BBS9: variants seen among roughly 807,000 people sequenced by gnomAD.
The protein encoded by BBS9 is Bardet-Biedl syndrome 9, also known as protein PTHB1.
Under a neutral mutation model 117.7 loss-of-function variants are expected in BBS9, and 89 were observed. The observed-to-expected ratio is 0.76, with a 90% CI of 0.64 to 0.90. BBS9 has a LOEUF of 0.90. Ranked by LOEUF, BBS9 falls within the 40% of genes least tolerant of loss-of-function variation. The pLI is 0.00. For missense variants in BBS9, 982 were observed against 1,042.2 expected, an observed-to-expected ratio of 0.94 and a Z score of 0.80; for synonymous variants, 379 against 370.9, an observed-to-expected ratio of 1.02 and a Z score of -0.25.
chr7:33,255,859 TA>T (rs1796958256), intron 5 of BBS9, among the ~76,000 whole-genome samples: 1 of 152,058 alleles, frequency 6.6e-6, no homozygotes, highest in Non-Finnish European at 1.5e-5. Flanking sequence ...AGGATAACAT[TA>T]AAAAAACAAA....
At chr7:33,362,136 A>G (rs1380579723) in intron 16 of BBS9, among the ~76,000 whole-genome samples, 1 of 152,142 alleles carries the variant, frequency 6.6e-6, no homozygotes, top group African/African-American at 2.4e-5. Context: ...GGAACTATAT[A>G]GTATATGTTC....
At chr7:33,358,019 C>G in intron 16 of BBS9, 24 bp downstream of exon 16, 1 of 1,606,826 alleles carries the variant, frequency 6.2e-7, no homozygotes, top group South Asian at 1.1e-5. Context: ...AATAACATGC[C>G]TGCAGCATCA....
chr7:33,220,789 T>C (rs1312513582), intron 5 of BBS9, among the ~76,000 whole-genome samples: 1 of 152,226 alleles, frequency 6.6e-6, no homozygotes, highest in Non-Finnish European at 1.5e-5. Context: ...AATTCTCACA[T>C]TTACATGGAG....
intron 19 of BBS9, among the ~76,000 whole-genome samples, chr7:33,475,644 A>G (rs1367299521): frequency 1.3e-5 from 2 of 152,114 alleles, no homozygotes; most frequent in African/African-American, 4.8e-5. Context: ...GATGTTCCCA[A>G]ATGTTCCCTA....
intron 9 of BBS9, among the ~76,000 whole-genome samples, chr7:33,285,287 A>G (rs1256901110): frequency 6.6e-6 from 1 of 152,146 alleles, no homozygotes; most frequent in Non-Finnish European, 1.5e-5. Flanking sequence ...GTAGAGTGAC[A>G]GAACTCTTGG....
intron 21 of BBS9, among the ~76,000 whole-genome samples, chr7:33,611,327 C>CT (rs1355032393): frequency 1.3e-5 from 2 of 151,268 alleles, no homozygotes; most frequent in African/African-American, 2.4e-5. Context: ...AATCTAGAAA[C>CT]TTTATCTTCT....
At chr7:33,464,730 G>A (rs1033698676) in intron 19 of BBS9, among the ~76,000 whole-genome samples, 2 of 151,812 alleles carry the variant, frequency 1.3e-5, no homozygotes, top group Non-Finnish European at 2.9e-5. Context: ...ACATTTATCA[G>A]TTAATTTTAT....
intron 5 of BBS9, among the ~76,000 whole-genome samples, chr7:33,199,343 A>G (rs1215166445): frequency 6.6e-6 from 1 of 151,950 alleles, no homozygotes; most frequent in Non-Finnish European, 1.5e-5. Context: ...GTTAATGAAG[A>G]CACTAAAATT....
In BBS9 at chr7:33,420,537, C is replaced by T. The variant is rs544745737; in HGVS notation, c.2115+32393C>T. Among the ~76,000 whole-genome samples the T allele has an allele frequency of 2.6e-5, 4 of 152,228 alleles. No individual in the cohort carries two copies. The South Asian group carries it at 8.3e-4, about 32-fold the overall frequency. On this transcript the variant is annotated intron_variant, in intron 19 of 22. Coordinates refer to ENST00000242067, the MANE Select transcript of BBS9 (RefSeq NM_198428.3). ...GTTTGGGCAGGAATCCATGCTGAAG[C>T]CATGCAGCAGGTGCTTTGGTTCTGT...
chr7:33,526,799 G>A (rs1205565936), intron 20 of BBS9, among the ~76,000 whole-genome samples: 2 of 152,044 alleles, frequency 1.3e-5, no homozygotes, highest in South Asian at 2.1e-4. Context: ...GAGGAGCTGC[G>A]TTCCTTTGGA....
At chr7:33,340,781 T>C in intron 10 of BBS9, 116 bp from the exon 11 acceptor site, 1 of 780,850 alleles carries the variant, frequency 1.3e-6, no homozygotes, top group East Asian at 2.7e-5. Flanking sequence ...TTTTTCAACT[T>C]GTGAGTATGT....
Position 33,284,587 on chromosome 7 carries a change from A to C in BBS9, c.1016+10631A>C, listed in dbSNP as rs549925122. ...AAACCATTTGTTTTGCTGCTGAAGA[A>C]AGGTTTCCTATGTTATATCTTTGAT... On this transcript the variant is annotated intron_variant, in intron 9 of 22. Coordinates refer to ENST00000242067, the MANE Select transcript of BBS9 (RefSeq NM_198428.3). Among the ~76,000 whole-genome samples the C allele has an allele frequency of 2.0e-5, 3 of 152,316 alleles. No homozygotes were observed. In the South Asian group the frequency reaches 6.2e-4, roughly 32 times the overall value.
intron 11 of BBS9, among the ~76,000 whole-genome samples, chr7:33,341,531 C>T (rs753860101): frequency 6.6e-6 from 1 of 152,088 alleles, no homozygotes; most frequent in Non-Finnish European, 1.5e-5. Flanking sequence ...TCAATTTTCT[C>T]ATCCACAAAA....
chr7:33,574,728 C>T (rs189044649), intron 21 of BBS9, among the ~76,000 whole-genome samples: 14 of 127,262 alleles, frequency 1.1e-4, no homozygotes, highest in South Asian at 5.4e-4. Context: ...CACACACACG[C>T]GCACACACAC....
intron 5 of BBS9, among the ~76,000 whole-genome samples, chr7:33,238,193 A>C (rs1169062666): frequency 6.6e-6 from 1 of 152,180 alleles, no homozygotes; most frequent in Non-Finnish European, 1.5e-5. Context: ...ATGTGATTTT[A>C]AAAAATGTGT....
intron 1 of BBS9, among the ~76,000 whole-genome samples, chr7:33,145,677 C>T (rs1159805462): frequency 2.0e-5 from 3 of 152,130 alleles, no homozygotes; most frequent in South Asian, 2.1e-4. Flanking sequence ...TCCGTGTCCC[C>T]GGGTTTCACA....
chr7:33,329,298 G>A (rs1813491533), intron 9 of BBS9, among the ~76,000 whole-genome samples: 1 of 152,128 alleles, frequency 6.6e-6, no homozygotes, highest in African/African-American at 2.4e-5. Flanking sequence ...TGGGATTACA[G>A]GTGTGAGCCA....
At chr7:33,591,152 T>C (rs969171950) in intron 21 of BBS9, among the ~76,000 whole-genome samples, 5 of 151,236 alleles carry the variant, frequency 3.3e-5, no homozygotes, top group Middle Eastern at 3.4e-3. Flanking sequence ...AAATGATGAC[T>C]TTTTTTTTAA....
chr7:33,565,832 TA>T (rs1856830391), intron 21 of BBS9, among the ~76,000 whole-genome samples: 1 of 42,796 alleles, frequency 2.3e-5, no homozygotes, highest in African/African-American at 3.9e-4. Flanking sequence ...TATATACCGC[TA>T]TATATACTGC....
Sources: gnomAD v4.1 joint callset for allele counts (sites outside exome capture counted in the v4.1 genomes callset) on GRCh38, gnomAD v4.1.1 for gene constraint, MANE v1.5 for transcripts, NCBI Gene and HGNC (gene_info 2026-07-23, HGNC 2026-07-21) for gene names.